NOTCH2: variants seen among roughly 807,000 people sequenced by gnomAD.
NOTCH2 encodes the protein notch receptor 2.
In NOTCH2, 29 loss-of-function variants were observed where a neutral mutation model predicts 235.8. The observed-to-expected ratio is 0.12, with a 90% CI of 0.09 to 0.17. NOTCH2 has a LOEUF of 0.17. Among genes scored for constraint, NOTCH2 ranks in the 10% least tolerant of loss-of-function variants. The pLI, the probability that NOTCH2 is intolerant of heterozygous loss-of-function variation, is 1.00. For synonymous variants in NOTCH2, 1,086 were observed against 1,141.5 expected, an observed-to-expected ratio of 0.95 and a Z score of 0.98; for missense variants, 2,285 against 3,150.2, an observed-to-expected ratio of 0.73 and a Z score of 6.57.
intron 14 of NOTCH2, among the ~76,000 whole-genome samples, chr1:119,951,756 A>G (rs782669064): frequency 2.6e-5 from 4 of 152,368 alleles, no homozygotes; most frequent in Middle Eastern, 3.4e-3. Flanking sequence ...GCCTTAAAGT[A>G]GAGAAACTAT....
intron 5 of NOTCH2, among the ~76,000 whole-genome samples, chr1:119,985,775 C>T (rs1651997520): frequency 6.6e-6 from 1 of 152,042 alleles, no homozygotes; most frequent in African/African-American, 2.4e-5. Flanking sequence ...AAAAGTCTAT[C>T]ATAGAAAAAT....
At chr1:120,029,085 AT>A (rs1372254223) in intron 2 of NOTCH2, among the ~76,000 whole-genome samples, 4 of 149,322 alleles carry the variant, frequency 2.7e-5, no homozygotes, top group Non-Finnish European at 4.5e-5. Flanking sequence ...TCCCCATATA[AT>A]AATACACACC....
Position 119,979,428 on chromosome 1 carries a change from G to A in NOTCH2, c.874+7532C>T, listed in dbSNP as rs587700939. Among the ~76,000 whole-genome samples, 5 of 152,290 alleles carry A rather than the reference G, an allele frequency of 3.3e-5. No individual in the cohort carries two copies. The South Asian group carries it at 1.0e-3, about 32-fold the overall frequency. Reference sequence around the variant, plus strand: ...TAACCAGAAGACACAAAGGAACAATGTCTAAGAATTTGATGAGATTAATTC... The same window carrying A: ...TAACCAGAAGACACAAAGGAACAATATCTAAGAATTTGATGAGATTAATTC... On this transcript the variant is annotated intron_variant, in intron 5 of 33. Coordinates refer to ENST00000256646, the MANE Select transcript of NOTCH2 (RefSeq NM_024408.4).
Position 119,922,786 on chromosome 1 carries a change from A to T in NOTCH2, c.4860-8T>A, listed in dbSNP as rs760650415. On this transcript the variant is annotated splice_region_variant and splice_polypyrimidine_tract_variant and intron_variant, in intron 26 of 33. Transcript: ENST00000256646. ...TCCAGAAAGACTTTAGAGCTGTGGGATGCCAAGGGAGAAGCGGAGGAGGAG... is the reference window on the plus strand; with the variant it reads ...TCCAGAAAGACTTTAGAGCTGTGGGTTGCCAAGGGAGAAGCGGAGGAGGAG... 53 of 1,613,972 alleles carry T rather than the reference A, an allele frequency of 3.3e-5. No homozygotes were observed. The highest frequency in any genetic ancestry group is 4.3e-5 in the Non-Finnish European group (51 of 1,180,040).
At chr1:119,980,337 A>G (rs918510305) in intron 5 of NOTCH2, among the ~76,000 whole-genome samples, 1 of 152,128 alleles carries the variant, frequency 6.6e-6, no homozygotes, top group Non-Finnish European at 1.5e-5. Flanking sequence ...ACCCCTCCCA[A>G]TAATCCACTT....
chr1:119,921,677 T>C (rs762219315), intron 29 of NOTCH2, 36 bp downstream of exon 29: 6 of 1,546,532 alleles, frequency 3.9e-6, no homozygotes, highest in Non-Finnish European at 4.5e-6. Context: ...AACCAGATAA[T>C]GGCTGACAAT....
At chr1:119,995,979 G>A (rs1444747349) in intron 4 of NOTCH2, 1 of 152,530 alleles carries the variant, frequency 6.6e-6, no homozygotes, top group Non-Finnish European at 1.5e-5. Flanking sequence ...CTCTGAAAGA[G>A]TAACTAGAAC....
Position 119,937,939 on chromosome 1 carries a change from G to A in NOTCH2, c.3255C>T (p.Ser1085=), listed in dbSNP as rs782398295. 10 of 1,614,016 alleles carry A rather than the reference G, an allele frequency of 6.2e-6. No individual in the cohort carries two copies. In the South Asian group the frequency reaches 9.9e-5, roughly 16 times the overall value. ...KGTCVQKKAE[S]QCLCPSGWAG... is the part of the protein sequence containing the mutation. ...CCCATCCAGATGGACATAGGCACTG[G>A]GACTCTGCTTTTTTCTGAACGCAAG... is the stretch of plus-strand genomic sequence containing the variant. Residue 1085 remains serine, a synonymous_variant, in exon 20 of 34, where the codon TCC becomes TCT. Coordinates refer to ENST00000256646, the MANE Select transcript of NOTCH2 (RefSeq NM_024408.4).
intron 2 of NOTCH2, among the ~76,000 whole-genome samples, chr1:120,011,933 A>G (rs1454665668): frequency 4.0e-5 from 6 of 148,604 alleles, no homozygotes; most frequent in Non-Finnish European, 6.0e-5. Context: ...GGAGAATGGC[A>G]TGAACCCAGA....
At position 119,997,253 on chromosome 1, in the gene NOTCH2, C is replaced by T; in HGVS notation, c.495G>A (p.Gln165=). Reference sequence around the variant, plus strand: ...AGCCTGTGAGGCATTTGCAGGAGAACTGGTTGGCCACAGTGGTACAGGTAC... The same window carrying T: ...AGCCTGTGAGGCATTTGCAGGAGAATTGGTTGGCCACAGTGGTACAGGTAC... The part of the protein sequence containing the change: ...NGSTCTTVAN[Q]FSCKCLTGFT... Residue 165 remains glutamine, a synonymous_variant, in exon 4 of 34, where the codon CAG becomes CAA. Coordinates refer to ENST00000256646, the MANE Select transcript of NOTCH2 (RefSeq NM_024408.4). 2 of 1,614,008 alleles carry T rather than the reference C, an allele frequency of 1.2e-6. No homozygotes were observed. The highest frequency in any genetic ancestry group is 2.2e-5 in the East Asian group (1 of 44,884).
chr1:119,916,596 C>T lies in NOTCH2; in HGVS notation c.6126G>A (p.Met2042Ile). 2 of 1,614,138 alleles carry T rather than the reference C, an allele frequency of 1.2e-6. No homozygotes were observed. Among genetic ancestry groups the T allele is most frequent in the Non-Finnish European group, 1.7e-6 (2 of 1,180,030 alleles). The change falls in exon 34 of 34, where the codon ATG becomes ATA. Residue 2042 changes from methionine (M) to isoleucine (I), a missense_variant. By Grantham distance (10) the Met-to-Ile change is conservative. Around this residue, in one of 6 missense-constraint regions of NOTCH2, gnomAD observed 128 missense variants for 255.9 expected, o/e 0.50. Transcript: ENST00000256646. ...HFANRDITDH[M>I]DRLPRDVARD... The stretch of plus-strand genomic sequence containing the variant: ...GAGCCACATCCCGGGGAAGACGATC[C>T]ATATGGTCTGTGATGTCTCGATTGG...
intron 11 of NOTCH2, among the ~76,000 whole-genome samples, chr1:119,960,671 G>A (rs587613336): frequency 6.6e-6 from 1 of 151,134 alleles, no homozygotes; most frequent in East Asian, 1.9e-4. Flanking sequence ...CTCATACTTT[G>A]TTTTTCTTTC....
At chr1:119,972,469 G>T (rs782304909) in intron 5 of NOTCH2, among the ~76,000 whole-genome samples, 2 of 152,162 alleles carry the variant, frequency 1.3e-5, no homozygotes, top group Non-Finnish European at 2.9e-5. Context: ...GAACAATTTA[G>T]ATGTCATTTT....
intron 13 of NOTCH2, 60 bp from the exon 14 acceptor site, chr1:119,953,748 T>G: frequency 6.9e-7 from 1 of 1,441,444 alleles, no homozygotes. Flanking sequence ...AGTCATAGAG[T>G]GAAATACAGG....
chr1:119,947,487 C>G (rs1463529998), intron 17 of NOTCH2, among the ~76,000 whole-genome samples: 1 of 152,114 alleles, frequency 6.6e-6, no homozygotes, highest in African/African-American at 2.4e-5. Context: ...ACTAGAAGAG[C>G]TAAATTTAAA....
chr1:120,000,431 G>A (rs1409334300), intron 3 of NOTCH2, among the ~76,000 whole-genome samples: 2 of 149,746 alleles, frequency 1.3e-5, no homozygotes, highest in African/African-American at 5.0e-5. Flanking sequence ...CTACTCAGGA[G>A]GCTGAGGCAG....
At chr1:119,997,445 G>T in intron 3 of NOTCH2, 113 bp from the exon 4 acceptor site, 2 of 994,894 alleles carry the variant, frequency 2.0e-6, no homozygotes, top group Non-Finnish European at 1.6e-6. Context: ...TCAACTCTTT[G>T]CATTTTACAA....
Position 119,964,879 on chromosome 1 carries a change from C to T in NOTCH2, c.1681+574G>A, listed in dbSNP as rs587617707. Among the ~76,000 whole-genome samples the T allele has an allele frequency of 2.0e-5, 3 of 152,290 alleles. No individual in the cohort carries two copies. In the South Asian group the frequency reaches 6.2e-4, roughly 32 times the overall value. On this transcript the variant is annotated intron_variant, in intron 10 of 33. Transcript: ENST00000256646. ...CAAGTACAAAATGTGATTACAAACC[C>T]AGAAATGCAGAATATTTGTGCACAG...
At chr1:119,956,812 A>C (rs1650719859) in intron 12 of NOTCH2, among the ~76,000 whole-genome samples, 1 of 152,220 alleles carries the variant, frequency 6.6e-6, no homozygotes, top group African/African-American at 2.4e-5. Flanking sequence ...ATAAATTTTC[A>C]AGCCATCTTT....
Sources: gnomAD v4.1 joint callset for allele counts (sites outside exome capture counted in the v4.1 genomes callset) on GRCh38, gnomAD v4.1.1 for gene constraint, gnomAD v4.1.1 regional missense constraint, MANE v1.5 for transcripts, NCBI Gene and HGNC (gene_info 2026-07-23, HGNC 2026-07-21) for gene names.